Variants in LAMB1 observed in about 807,000 individuals in gnomAD.
LAMB1 encodes laminin subunit beta-1.
Under a neutral mutation model 222.3 loss-of-function variants are expected in LAMB1, and 121 were observed. The ratio of observed to expected loss-of-function variants is 0.54; its 90% CI spans 0.47 to 0.63. The LOEUF (loss-of-function observed/expected upper bound fraction) is 0.63, where lower values mean the gene tolerates loss of function less well. Ranked by LOEUF, LAMB1 falls within the 30% of genes least tolerant of loss-of-function variation. The pLI is 0.00. For missense variants in LAMB1, 2,172 were observed against 2,240.8 expected (o/e 0.97, Z 0.62); for synonymous variants, 794 against 807.2 (o/e 0.98, Z 0.28).
At chr7:107,932,409 TCGG>T in intron 27 of LAMB1, 32 bp from the exon 28 acceptor site, 1 of 1,606,320 alleles carries the variant, frequency 6.2e-7, no homozygotes, top group Middle Eastern at 1.7e-4. Context: ...GCACAATACT[TCGG>T]ATAGTGAATC....
intron 30 of LAMB1, 60 bp from the exon 31 acceptor site, chr7:107,929,265 G>A: frequency 3.1e-6 from 5 of 1,587,758 alleles, no homozygotes; most frequent in Non-Finnish European, 4.3e-6. Context: ...TACTCTCAGT[G>A]TTCTTTTCTT....
intron 5 of LAMB1, among the ~76,000 whole-genome samples, chr7:107,992,631 C>T (rs1164727466): frequency 6.6e-6 from 1 of 152,220 alleles, no homozygotes; most frequent in Non-Finnish European, 1.5e-5. Flanking sequence ...GCGCGGTAGG[C>T]ACGCCTGTAA....
At position 107,924,421 on chromosome 7, in the gene LAMB1, GT is replaced by G. The variant is rs1392027713; in HGVS notation, c.5065-33del. 25 of 1,536,786 alleles carry G rather than the reference GT, an allele frequency of 1.6e-5. No individual in the cohort carries two copies. In the East Asian group the frequency reaches 5.4e-4, roughly 33 times the overall value. ...TTCCACATTTAGACAGAAAGAAGTG[GT>G]AATGTTAGTGTCAGTAATTACATTT... On this transcript the variant is annotated intron_variant, in intron 32 of 33. Coordinates refer to ENST00000222399, the MANE Select transcript of LAMB1 (RefSeq NM_002291.3).
intron 4 of LAMB1, among the ~76,000 whole-genome samples, chr7:107,996,116 TCTCTC>T (rs2034276802): frequency 6.6e-6 from 1 of 152,160 alleles, no homozygotes; most frequent in African/African-American, 2.4e-5. Flanking sequence ...CAACTGTACA[TCTCTC>T]CTCTTCCAGG....
chr7:107,990,613 G>A (rs746405788), intron 5 of LAMB1, among the ~76,000 whole-genome samples: 2 of 152,120 alleles, frequency 1.3e-5, no homozygotes, highest in Non-Finnish European at 2.9e-5. Flanking sequence ...TACTCCATAA[G>A]CAGAGCAGCC....
chr7:107,935,343 CTTTGTTTT>C, intron 27 of LAMB1, 64 bp downstream of exon 27: 1 of 1,371,578 alleles, frequency 7.3e-7, no homozygotes, highest in African/African-American at 2.4e-5. Context: ...GTTTGTTTTT[CTTTGTTTT>C]TTTTTTTTTT....
intron 12 of LAMB1, 65 bp from the exon 13 acceptor site, chr7:107,973,136 A>G (rs2033783139): frequency 1.6e-6 from 2 of 1,269,624 alleles, no homozygotes; most frequent in Non-Finnish European, 2.3e-6. Flanking sequence ...ACTCAGCAAC[A>G]AGCAAGTTAA....
In LAMB1 at chr7:107,953,761, C is replaced by T; in HGVS notation, c.2855-7G>A. 1.2e-6 allele frequency: 2 copies of T among 1,612,762 alleles called. No homozygotes were observed. Among genetic ancestry groups the T allele is most frequent in the South Asian group, 1.1e-5 (1 of 91,052 alleles). On this transcript the variant is annotated splice_polypyrimidine_tract_variant and splice_region_variant and intron_variant, in intron 21 of 33. Coordinates refer to ENST00000222399, the MANE Select transcript of LAMB1 (RefSeq NM_002291.3). ...CAGTCGTCACATCTGGAACCTGTCA[C>T]CCGATAAAACCAAACACAAGATGTT...
Position 107,929,583 on chromosome 7 carries a change from G to A in LAMB1, c.4574C>T (p.Ala1525Val). ...CATCTCCATTTTCAATACTTCATTAGCAACTGCTTCAATGCTGTCCAAATC... is the reference window on the plus strand; with the variant it reads ...CATCTCCATTTTCAATACTTCATTAACAACTGCTTCAATGCTGTCCAAATC... ...SADLDSIEAV[A>V]NEVLKMEMPS... Residue 1525 changes from alanine to valine, a missense_variant, in exon 30 of 34, where the codon GCT becomes GTT. Transcript: ENST00000222399. 1 of 1,614,068 alleles carries A rather than the reference G, an allele frequency of 6.2e-7. No homozygotes were observed. Among genetic ancestry groups the A allele is most frequent in the Non-Finnish European group, 8.5e-7 (1 of 1,179,966 alleles).
chr7:107,982,734 A>G (rs1400064895), intron 7 of LAMB1, among the ~76,000 whole-genome samples: 2 of 152,218 alleles, frequency 1.3e-5, no homozygotes, highest in Non-Finnish European at 2.9e-5. Context: ...AGCGAGCCTC[A>G]TCTTGACTGC....
intron 15 of LAMB1, 38 bp from the exon 16 acceptor site, chr7:107,961,714 C>T: frequency 6.3e-7 from 1 of 1,594,742 alleles, no homozygotes; most frequent in South Asian, 1.1e-5. Context: ...ATAGTTAGCC[C>T]ACCACTGCCT....
intron 15 of LAMB1, among the ~76,000 whole-genome samples, chr7:107,962,524 G>A (rs1451739193): frequency 6.6e-6 from 1 of 152,048 alleles, no homozygotes; most frequent in African/African-American, 2.4e-5. Context: ...GATCAGCCTG[G>A]CCAACATGGC....
intron 5 of LAMB1, 151 bp from the exon 6 acceptor site, chr7:107,986,514 C>G: frequency 1.6e-6 from 1 of 642,266 alleles, no homozygotes; most frequent in Non-Finnish European, 2.6e-6. Flanking sequence ...TCAAATAATT[C>G]AAGCTGTTCC....
rs777225012 is a variant in LAMB1, at chr7:107,959,220, C to A, written c.2690+29G>T. 13 of 1,565,182 alleles carry A rather than the reference C, an allele frequency of 8.3e-6. No homozygotes were observed. The East Asian group carries it at 2.7e-4, about 33-fold the overall frequency. On this transcript the variant is annotated intron_variant, in intron 20 of 33. Transcript: ENST00000222399. ...CTGTCTGCTCAGCCAGAGATCACTA[C>A]ATTCTCCTTACTTTCAGCATCTGCA... is the stretch of plus-strand genomic sequence containing the variant.
intron 13 of LAMB1, among the ~76,000 whole-genome samples, chr7:107,972,612 A>G (rs2033771755): frequency 6.6e-6 from 1 of 152,110 alleles, no homozygotes; most frequent in South Asian, 2.1e-4. Context: ...AAAAAAGAAA[A>G]TGAAAAGATT....
chr7:108,001,802 A>AGCGGGG, intron 2 of LAMB1, 69 bp from the exon 3 acceptor site: 1 of 1,462,200 alleles, frequency 6.8e-7, no homozygotes. Context: ...AAAACGAACA[A>AGCGGGG]GCGGGGGCGG....
intron 7 of LAMB1, among the ~76,000 whole-genome samples, chr7:107,983,476 A>G (rs2034012538): frequency 6.6e-6 from 1 of 151,908 alleles, no homozygotes; most frequent in Non-Finnish European, 1.5e-5. Flanking sequence ...ATGTAGCAAC[A>G]GCTTTGATGT....
intron 27 of LAMB1, among the ~76,000 whole-genome samples, chr7:107,933,991 T>C (rs917213544): frequency 6.6e-6 from 1 of 152,156 alleles, no homozygotes; most frequent in Non-Finnish European, 1.5e-5. Flanking sequence ...AACTGATTTT[T>C]TTTTTTTAAC....
At chr7:107,957,400 A>AAAC (rs543524347) in intron 20 of LAMB1, among the ~76,000 whole-genome samples, 65 of 151,964 alleles carry the variant, frequency 4.3e-4, no homozygotes, top group African/African-American at 1.4e-3. Flanking sequence ...CAAAACAAAC[A>AAAC]AACAACAACA....
Sources: gnomAD v4.1 joint callset for allele counts (sites outside exome capture counted in the v4.1 genomes callset) on GRCh38, gnomAD v4.1.1 for gene constraint, MANE v1.5 for transcripts, NCBI Gene and HGNC (gene_info 2026-07-23, HGNC 2026-07-21) for gene names.